The following SLFN12 variants were observed in gnomAD, a reference collection of about 807,000 sequenced individuals.
SLFN12 encodes schlafen family member 12.
Under a neutral mutation model 29.1 loss-of-function variants are expected in SLFN12, and 25 were observed. The ratio of observed to expected loss-of-function variants is 0.86; its 90% CI spans 0.63 to 1.20. SLFN12 has a LOEUF of 1.20. Ranked by LOEUF, SLFN12 falls within the 50% of genes most tolerant of loss-of-function variation. The pLI is 0.00. For missense variants in SLFN12, 660 were observed against 666.2 expected, an observed-to-expected ratio of 0.99 and a Z score of 0.10; for synonymous variants, 257 against 238.7, an observed-to-expected ratio of 1.08 and a Z score of -0.71.
At position 35,416,356 on chromosome 17, in the gene SLFN12, G is replaced by A. The variant is rs116294554; in HGVS notation, c.1147+3918C>T. On this transcript the variant is annotated intron_variant, in intron 3 of 3. Coordinates refer to ENST00000304905, the MANE Select transcript of SLFN12 (RefSeq NM_018042.5). ...AGGACTTTGGGGACTCAAGGGGAAG[G>A]GTGGAAGGGGAATGAGGGATAGAAG... 7.2e-3 allele frequency among the ~76,000 whole-genome samples: 1,090 copies of A among 152,128 alleles called. 9 individuals are homozygous for A. Among genetic ancestry groups the A allele is most frequent in the African/African-American group, 0.024 (1,010 of 41,508 alleles).
At chr17:35,418,795 T>C (rs1911462883) in intron 3 of SLFN12, among the ~76,000 whole-genome samples, 1 of 152,104 alleles carries the variant, frequency 6.6e-6, no homozygotes, top group African/African-American at 2.4e-5. Context: ...GTTATCCACA[T>C]GGAATAAAAT....
chr17:35,426,312 G>A (rs1912020247), intron 1 of SLFN12, among the ~76,000 whole-genome samples: 1 of 151,878 alleles, frequency 6.6e-6, no homozygotes, highest in Non-Finnish European at 1.5e-5. Flanking sequence ...AATCCCATTT[G>A]TCTACATTTG....
intron 1 of SLFN12, among the ~76,000 whole-genome samples, 171 bp from the exon 2 acceptor site, chr17:35,423,239 C>T (rs1223952205): frequency 1.3e-5 from 2 of 152,092 alleles, no homozygotes; most frequent in Non-Finnish European, 2.9e-5. Flanking sequence ...ATAATTTATA[C>T]TCCTACTGAA....
chr17:35,411,815 G>A lies in SLFN12; in HGVS notation c.1260C>T (p.Gly420=), dbSNP rs531561579. Residue 420 remains glycine (G), a synonymous_variant, in exon 4 of 4, where the codon GGC becomes GGT. Coordinates refer to ENST00000304905, the MANE Select transcript of SLFN12 (RefSeq NM_018042.5). ...ACCAGCTCCTAGAGAAGATCAGTGA[G>A]CCCTTTCTGACAGAGTCCATTTCTT... ...ICEEMDSVRK[G]SLIFSRSWSV... is the part of the protein sequence containing the mutation. The A allele has an allele frequency of 2.2e-5, 35 of 1,614,026 alleles. No homozygotes were observed. The highest frequency in any genetic ancestry group is 9.9e-5 in the South Asian group (9 of 91,082).
At position 35,411,456 on chromosome 17, in the gene SLFN12, C is replaced by G. The variant is rs750632997; in HGVS notation, c.1619G>C (p.Arg540Thr). ...LLKALFKALK[R>T]LKSLRDQFSF... ...AAACTGGTCTCTCAGAGACTTGAGT[C>G]TCTTTAAGGCTTTAAAAAGGGCTTT... Residue 540 changes from arginine to threonine, a missense_variant, in exon 4 of 4, where the codon AGA becomes ACA. Arg to Thr is a moderately conservative substitution (Grantham distance 71). Coordinates refer to ENST00000304905, the MANE Select transcript of SLFN12 (RefSeq NM_018042.5). 9.3e-6 allele frequency: 15 copies of G among 1,613,674 alleles called. No homozygotes were observed. In the East Asian group the frequency reaches 2.9e-4, roughly 31 times the overall value.
chr17:35,430,420 T>G (rs2142052671), intron 1 of SLFN12: 1 of 152,274 alleles, frequency 6.6e-6, no homozygotes, highest in African/African-American at 2.4e-5. Flanking sequence ...AGGTTCTCAC[T>G]TAGGTGAGAA....
At position 35,420,420 on chromosome 17, in the gene SLFN12, G is replaced by T. The variant is rs564548585; in HGVS notation, c.1040-39C>A. 2.9e-5 allele frequency: 40 copies of T among 1,358,874 alleles called. No homozygotes were observed. In the African/African-American group the frequency reaches 4.0e-4, roughly 14 times the overall value. The allele number at this position is 1,358,874 out of a possible 1,614,324, so 84.2% of individuals were successfully genotyped here. ...ATATCACATTCTTAATTTCGCAGAA[G>T]GGAGACCCCAACTAACTAATGCATA... On this transcript the variant is annotated intron_variant, in intron 2 of 3. Coordinates refer to ENST00000304905, the MANE Select transcript of SLFN12 (RefSeq NM_018042.5).
intron 3 of SLFN12, among the ~76,000 whole-genome samples, chr17:35,416,157 T>C (rs897742975): frequency 6.6e-6 from 1 of 152,164 alleles, no homozygotes; most frequent in African/African-American, 2.4e-5. Context: ...ATATACACCA[T>C]GGAATGCTAT....
chr17:35,429,737 T>G (rs772291), intron 1 of SLFN12, among the ~76,000 whole-genome samples: 63,195 of 151,768 alleles, frequency 0.42, 14,341 homozygotes, highest in Non-Finnish European at 0.49. Flanking sequence ...CCTCCTAGGA[T>G]GTCACTTTGC....
intron 2 of SLFN12, 62 bp from the exon 3 acceptor site, chr17:35,420,443 A>G (rs1217444379): frequency 1.1e-6 from 1 of 942,626 alleles, no homozygotes; most frequent in African/African-American, 1.7e-5. Flanking sequence ...TAACTAATGC[A>G]TAGTATTATA....
At chr17:35,432,799 T>C (rs889500348), upstream of SLFN12, 1 of 151,748 alleles carries the variant, frequency 6.6e-6, no homozygotes, top group Non-Finnish European at 1.5e-5. Flanking sequence ...TTCCCGGGAG[T>C]GGTGGGGTTG....
chr17:35,419,533 CA>C (rs2142037591), intron 3 of SLFN12, among the ~76,000 whole-genome samples: 1 of 152,162 alleles, frequency 6.6e-6, no homozygotes, highest in African/African-American at 2.4e-5. Flanking sequence ...TCAACCCAAT[CA>C]ATAACCAGGG....
intron 1 of SLFN12, among the ~76,000 whole-genome samples, chr17:35,428,913 C>T (rs575427441): frequency 6.6e-6 from 1 of 152,142 alleles, no homozygotes; most frequent in South Asian, 2.1e-4. Flanking sequence ...AAGGCAAGTC[C>T]ACCTTCCCTG....
At position 35,420,325 on chromosome 17, in the gene SLFN12, G is replaced by A; in HGVS notation, c.1096C>T (p.Pro366Ser). Residue 366 changes from proline to serine, a missense_variant, in exon 3 of 4, where the codon CCC becomes TCC. Coordinates refer to ENST00000304905, the MANE Select transcript of SLFN12 (RefSeq NM_018042.5). The part of the protein sequence containing the change: ...ISQINTSLPA[P>S]HSWPLLEWQR... Reference sequence around the variant, plus strand: ...CATTCCAAAAGAGGCCAACTGTGGGGAGCAGGTAATGACGTATTTATTTGA... The same window carrying A: ...CATTCCAAAAGAGGCCAACTGTGGGAAGCAGGTAATGACGTATTTATTTGA... 1 of 1,613,938 alleles carries A rather than the reference G, an allele frequency of 6.2e-7. No homozygotes were observed. The highest frequency in any genetic ancestry group is 1.1e-5 in the South Asian group (1 of 91,080).
rs1474899401 is a variant in SLFN12, at chr17:35,422,970, C to T, written c.59G>A (p.Arg20Lys). 6.2e-7 allele frequency: 1 copy of T among 1,613,616 alleles called. No homozygotes were observed. The highest frequency in any genetic ancestry group is 8.5e-7 in the Non-Finnish European group (1 of 1,179,900). The change falls in exon 2 of 4, where the codon AGA (arginine) becomes AAA (lysine). Residue 20 changes from arginine (R) to lysine (K), a missense_variant. Physicochemically the swap from Arg to Lys is conservative, Grantham distance 26. Coordinates refer to ENST00000304905, the MANE Select transcript of SLFN12 (RefSeq NM_018042.5). ...NYAELVLDVG[R>K]VTLGENSRKK... ...CCTACTGTTCTCTCCAAGAGTGACT[C>T]TTCCCACATCTAGAACCAACTCGGC...
chr17:35,430,844 T>C (rs1030099494), intron 1 of SLFN12, among the ~76,000 whole-genome samples: 1 of 152,154 alleles, frequency 6.6e-6, no homozygotes, highest in African/African-American at 2.4e-5. Flanking sequence ...TATTTCTCCA[T>C]AGACTCTAAG....
At chr17:35,430,120 C>T (rs1188485622) in intron 1 of SLFN12, among the ~76,000 whole-genome samples, 3 of 151,998 alleles carry the variant, frequency 2.0e-5, no homozygotes, top group East Asian at 1.9e-4. Flanking sequence ...AAGTTCCACC[C>T]GACCTATAGC....
chr17:35,412,033 T>C, intron 3 of SLFN12, 106 bp from the exon 4 acceptor site: 1 of 788,834 alleles, frequency 1.3e-6, no homozygotes, highest in Non-Finnish European at 1.9e-6. Context: ...AAAAACACTG[T>C]AAAAGTTGTA....
chr17:35,414,653 A>C (rs1053076720), intron 3 of SLFN12, among the ~76,000 whole-genome samples: 1 of 149,212 alleles, frequency 6.7e-6, no homozygotes, highest in African/African-American at 2.6e-5. Flanking sequence ...TAGATTTGAT[A>C]AATGAATTCC....
Sources: gnomAD v4.1 joint callset for allele counts (sites outside exome capture counted in the v4.1 genomes callset) on GRCh38, gnomAD v4.1.1 for gene constraint, MANE v1.5 for transcripts, NCBI Gene and HGNC (gene_info 2026-07-23, HGNC 2026-07-21) for gene names.